ABLIM2: variants seen among roughly 807,000 people sequenced by gnomAD.
ABLIM2 encodes the protein actin-binding LIM protein 2.
In ABLIM2, 53 loss-of-function variants were observed where a neutral mutation model predicts 97.7. That is an observed-to-expected ratio of 0.54 (90% CI 0.44 to 0.68). The LOEUF is 0.68. ABLIM2 is among the 30% of genes least tolerant of loss of function. ABLIM2 has a pLI of 0.00. For synonymous variants in ABLIM2, 361 were observed against 345.8 expected (o/e 1.04, Z -0.49); for missense variants, 835 against 867.2 (o/e 0.96, Z 0.47).
chr4:8,154,172 C>A, intron 1 of ABLIM2, among the ~76,000 whole-genome samples: 1 of 151,586 alleles, frequency 6.6e-6, no homozygotes, highest in Non-Finnish European at 1.5e-5. Flanking sequence ...CTGTGTTAGC[C>A]AGGATGGTCT....
rs934954659 is a variant in ABLIM2 at position 8,087,215 on chromosome 4, G to A, written c.454+954C>T. Among the ~76,000 whole-genome samples, 2 of 152,206 alleles carry A rather than the reference G, an allele frequency of 1.3e-5. No individual in the cohort carries two copies. Among genetic ancestry groups the A allele is most frequent in the African/African-American group, 4.8e-5 (2 of 41,456 alleles). On this transcript the variant is annotated intron_variant, in intron 4 of 20. Transcript: ENST00000447017. This position sits in a 1 kb window ranked among gnomAD's most constrained non-coding sequence, Gnocchi z 4.6. ...TGCTCAGAGTGGGCTTCTGCACCAG[G>A]TGCCTGGCAGCGGCGGGGCCTGGTT...
At chr4:7,997,689 C>A (rs1754262620) in intron 16 of ABLIM2, among the ~76,000 whole-genome samples, 1 of 152,114 alleles carries the variant, frequency 6.6e-6, no homozygotes, top group Admixed American at 6.6e-5. Flanking sequence ...GGGTCTCCTG[C>A]TGCTGCTGGG....
chr4:8,092,700 T>C (rs1257094983), intron 3 of ABLIM2, among the ~76,000 whole-genome samples: 1 of 152,096 alleles, frequency 6.6e-6, no homozygotes, highest in Non-Finnish European at 1.5e-5. Flanking sequence ...CAAACCCCCT[T>C]TGGAAAAAGC....
chr4:8,090,616 CACG>C (rs1826666310), intron 3 of ABLIM2, among the ~76,000 whole-genome samples: 1 of 152,170 alleles, frequency 6.6e-6, no homozygotes, highest in African/African-American at 2.4e-5. Flanking sequence ...TCATGCTGCT[CACG>C]ACCTCTGGCC....
intron 8 of ABLIM2, among the ~76,000 whole-genome samples, chr4:8,052,729 G>A (rs922868297): frequency 6.6e-6 from 1 of 152,216 alleles, no homozygotes; most frequent in Non-Finnish European, 1.5e-5. Context: ...CTGCAGCTTC[G>A]CTCAGACGGG....
Position 8,082,009 on chromosome 4 carries a change from G to A in ABLIM2, c.455-1207C>T, listed in dbSNP as rs984539474. Among the ~76,000 whole-genome samples, 5 of 152,332 alleles carry A rather than the reference G, an allele frequency of 3.3e-5. No homozygotes were observed. The South Asian group carries it at 6.2e-4, about 19-fold the overall frequency. On this transcript the variant is annotated intron_variant, in intron 4 of 20. Transcript: ENST00000447017. This position sits in a 1 kb window ranked among gnomAD's most constrained non-coding sequence, Gnocchi z 5.6. The stretch of plus-strand genomic sequence containing the variant: ...CGAATATGTCTGCACGTGAGAGTGT[G>A]TCTGTGTGTTTGTCGAAGTGTGTGT...
chr4:8,056,659 G>A (rs1197819971), intron 7 of ABLIM2, among the ~76,000 whole-genome samples: 1 of 151,868 alleles, frequency 6.6e-6, no homozygotes, highest in African/African-American at 2.4e-5. Flanking sequence ...CAGGCCGGGT[G>A]CTGTGGCTCA....
In ABLIM2 at chr4:8,112,553, A is replaced by C. The variant is rs1338526856; in HGVS notation, c.11-5916T>G. Among the ~76,000 whole-genome samples, 1 of 152,196 alleles carries C rather than the reference A, an allele frequency of 6.6e-6. No homozygotes were observed. The highest frequency in any genetic ancestry group is 1.5e-5 in the Non-Finnish European group (1 of 68,030). ...GGGTCAGATCAGGGGTGGCTATCAG[A>C]AAGAGGAAAAACGATGACTCTGAGG... On this transcript the variant is annotated intron_variant, in intron 1 of 20. Coordinates refer to ENST00000447017, the MANE Select transcript of ABLIM2 (RefSeq NM_001130083.2). This position sits in a 1 kb window ranked among gnomAD's most constrained non-coding sequence, Gnocchi z 4.2.
chr4:7,973,392 C>T (rs1362850738), intron 20 of ABLIM2, among the ~76,000 whole-genome samples: 2 of 151,610 alleles, frequency 1.3e-5, no homozygotes, highest in East Asian at 3.9e-4. Flanking sequence ...TCCCAGCTAC[C>T]CGGGAGGCTG....
intron 20 of ABLIM2, among the ~76,000 whole-genome samples, chr4:7,981,690 C>T (rs1228127379): frequency 6.6e-6 from 1 of 152,234 alleles, no homozygotes; most frequent in East Asian, 1.9e-4. Context: ...ACAGTCACAC[C>T]AGTGTCCTGG....
chr4:7,978,442 A>G (rs982441252), intron 20 of ABLIM2, among the ~76,000 whole-genome samples: 2 of 152,324 alleles, frequency 1.3e-5, no homozygotes, highest in South Asian at 4.1e-4. Flanking sequence ...TTCATGTTGT[A>G]TTATTGCCAA....
At position 8,127,655 on chromosome 4, in the gene ABLIM2, A is replaced by T. The variant is rs13143332; in HGVS notation, c.11-21018T>A. The T allele has an allele frequency of 1.6e-6, 2 of 1,284,298 alleles. No homozygotes were observed. Among genetic ancestry groups the T allele is most frequent in the South Asian group, 2.5e-5 (2 of 80,744 alleles). The allele number at this position is 1,284,298 out of a possible 1,614,324, so 79.6% of individuals were successfully genotyped here. Reference sequence around the variant, plus strand: ...GCCTGGCACCCACGGAGGATCGGGCAGGAGTGGACCGGGGAAGAGCCTCTG... The same window carrying T: ...GCCTGGCACCCACGGAGGATCGGGCTGGAGTGGACCGGGGAAGAGCCTCTG... On this transcript the variant is annotated intron_variant, in intron 1 of 20. Coordinates refer to ENST00000447017, the MANE Select transcript of ABLIM2 (RefSeq NM_001130083.2). This position sits in a 1 kb window ranked among gnomAD's most constrained non-coding sequence, Gnocchi z 7.3.
chr4:7,996,255 G>C lies in ABLIM2; in HGVS notation c.1619-3328C>G, dbSNP rs1235873457. 5.3e-5 allele frequency among the ~76,000 whole-genome samples: 8 copies of C among 152,194 alleles called. No homozygotes were observed. The highest frequency in any genetic ancestry group is 5.2e-4 in the Admixed American group (8 of 15,284). On this transcript the variant is annotated intron_variant, in intron 16 of 20. Coordinates refer to ENST00000447017, the MANE Select transcript of ABLIM2 (RefSeq NM_001130083.2). The surrounding 1 kb of genome is among the most constrained non-coding windows in gnomAD (Gnocchi z 4.5). Reference sequence around the variant, plus strand: ...CTGGGGCTGGGGTCCAGGGATCTGTGTTTTTACAAGGCTTCTGGACCATTC... The same window carrying C: ...CTGGGGCTGGGGTCCAGGGATCTGTCTTTTTACAAGGCTTCTGGACCATTC...
At chr4:8,134,928 A>C (rs1280311063) in intron 1 of ABLIM2, among the ~76,000 whole-genome samples, 2 of 152,222 alleles carry the variant, frequency 1.3e-5, no homozygotes, top group African/African-American at 4.8e-5. Flanking sequence ...AGGTGCACAC[A>C]AGGTGTGCTA....
At chr4:8,014,460 G>A (rs1767340515) in intron 14 of ABLIM2, among the ~76,000 whole-genome samples, 1 of 152,234 alleles carries the variant, frequency 6.6e-6, no homozygotes, top group African/African-American at 2.4e-5. Flanking sequence ...GAGAGGAAGA[G>A]AGAGAGGCAG....
intron 1 of ABLIM2, among the ~76,000 whole-genome samples, chr4:8,110,665 G>A (rs1318032509): frequency 6.6e-6 from 1 of 151,924 alleles, no homozygotes; most frequent in Non-Finnish European, 1.5e-5. Flanking sequence ...GGCGGGGGTG[G>A]GGTGTGGGGG....
chr4:8,020,330 G>T, intron 12 of ABLIM2, 27 bp from the exon 13 acceptor site: 1 of 1,579,726 alleles, frequency 6.3e-7, no homozygotes, highest in South Asian at 1.1e-5. Flanking sequence ...AAAGGCAGCA[G>T]ATAGAAGGGG....
rs1253947618 is a variant in ABLIM2 at position 8,087,024 on chromosome 4, G to C, written c.454+1145C>G. Among the ~76,000 whole-genome samples the C allele has an allele frequency of 6.6e-6, 1 of 152,202 alleles. No homozygotes were observed. The highest frequency in any genetic ancestry group is 1.5e-5 in the Non-Finnish European group (1 of 68,024). On this transcript the variant is annotated intron_variant, in intron 4 of 20. Coordinates refer to ENST00000447017, the MANE Select transcript of ABLIM2 (RefSeq NM_001130083.2). The surrounding 1 kb of genome is among the most constrained non-coding windows in gnomAD (Gnocchi z 4.6). Reference sequence around the variant, plus strand: ...CCCAGGGCCAGTGCTGCACCTCGGGGAGGCTGGAAGTGGAATCGCCTCTGT... The same window carrying C: ...CCCAGGGCCAGTGCTGCACCTCGGGCAGGCTGGAAGTGGAATCGCCTCTGT...
At chr4:8,099,147 C>T (rs1833187787) in intron 2 of ABLIM2, among the ~76,000 whole-genome samples, 1 of 152,222 alleles carries the variant, frequency 6.6e-6, no homozygotes, top group Admixed American at 6.5e-5. Context: ...GAAACCTGGG[C>T]TGAGGATGAA....
Sources: allele counts gnomAD v4.1 joint callset (sites outside exome capture counted in the v4.1 genomes callset), GRCh38; gene constraint gnomAD v4.1.1; non-coding constraint Gnocchi (gnomAD v3.1); transcripts MANE v1.5; gene names NCBI Gene and HGNC (gene_info 2026-07-23, HGNC 2026-07-21).